Variants in BTBD9 observed in about 807,000 individuals in gnomAD.
The protein encoded by BTBD9 is BTB/POZ domain-containing protein 9.
BTBD9 carries 49 observed loss-of-function variants against 64.3 expected under a neutral mutation model. The ratio of observed to expected loss-of-function variants is 0.76; its 90% confidence interval spans 0.61 to 0.97. BTBD9 has a LOEUF of 0.97. Among genes scored for constraint, BTBD9 ranks in the 50% least tolerant of loss-of-function variants. The pLI is 0.00. For synonymous variants in BTBD9, 260 were observed against 274.7 expected (o/e 0.95, Z 0.53); for missense variants, 598 against 762.1 (o/e 0.78, Z 2.53).
At chr6:38,480,284 G>C (rs550986714) in intron 6 of BTBD9, among the ~76,000 whole-genome samples, 1 of 152,170 alleles carries the variant, frequency 6.6e-6, no homozygotes, top group African/African-American at 2.4e-5. Flanking sequence ...TTCCTTTGCA[G>C]GGCTCTTGTG....
chr6:38,295,796 C>A (rs1267376088), intron 7 of BTBD9, among the ~76,000 whole-genome samples: 1 of 152,110 alleles, frequency 6.6e-6, no homozygotes, highest in Admixed American at 6.6e-5. Flanking sequence ...CTGTAATAAT[C>A]CCAGCTCTTT....
chr6:38,334,895 A>G (rs1207631403), intron 7 of BTBD9, among the ~76,000 whole-genome samples: 2 of 152,132 alleles, frequency 1.3e-5, no homozygotes. Context: ...ATACATATTG[A>G]TATGGTTTGG....
At chr6:38,462,838 G>T (rs552006230) in intron 6 of BTBD9, among the ~76,000 whole-genome samples, 3 of 151,850 alleles carry the variant, frequency 2.0e-5, no homozygotes, top group African/African-American at 7.3e-5. Flanking sequence ...TCACTCTGTC[G>T]CCCAGGCTGG....
At chr6:38,320,504 C>G (rs1481273635) in intron 7 of BTBD9, among the ~76,000 whole-genome samples, 2 of 152,120 alleles carry the variant, frequency 1.3e-5, no homozygotes, top group African/African-American at 2.4e-5. Flanking sequence ...TCTTCCCTTC[C>G]CAGCTTCTGC....
chr6:38,421,959 G>A (rs1327121815), intron 6 of BTBD9, among the ~76,000 whole-genome samples: 1 of 152,144 alleles, frequency 6.6e-6, no homozygotes, highest in Non-Finnish European at 1.5e-5. Context: ...CTGATAACAG[G>A]TTCAGAATGA....
At chr6:38,495,386 A>AGGAG (rs1331007443) in intron 6 of BTBD9, among the ~76,000 whole-genome samples, 1 of 152,240 alleles carries the variant, frequency 6.6e-6, no homozygotes, top group African/African-American at 2.4e-5. Flanking sequence ...AGAATGCAGA[A>AGGAG]GACCTATTTT....
chr6:38,221,871 G>A (rs1315529731), intron 9 of BTBD9, among the ~76,000 whole-genome samples: 5 of 152,082 alleles, frequency 3.3e-5, no homozygotes, highest in Non-Finnish European at 5.9e-5. Context: ...CATGCCTGTA[G>A]TCCCAGCTAC....
At chr6:38,414,443 T>C (rs1412645769) in intron 6 of BTBD9, among the ~76,000 whole-genome samples, 4 of 152,206 alleles carry the variant, frequency 2.6e-5, no homozygotes, top group Non-Finnish European at 4.4e-5. Context: ...CCCTGATGAT[T>C]TGAATTCATC....
At chr6:38,427,397 G>A (rs1033089049) in intron 6 of BTBD9, among the ~76,000 whole-genome samples, 1 of 151,942 alleles carries the variant, frequency 6.6e-6, no homozygotes, top group African/African-American at 2.4e-5. Flanking sequence ...TCTCTGTGAG[G>A]TGAGCTCTAG....
intron 6 of BTBD9, among the ~76,000 whole-genome samples, chr6:38,534,132 CCTAA>C (rs949204373): frequency 1.1e-4 from 16 of 151,452 alleles, no homozygotes; most frequent in African/African-American, 3.9e-4. Flanking sequence ...AGATCTTTAA[CCTAA>C]CTAAGAAAAA....
rs1770035143 is a variant in BTBD9, at chr6:38,460,613, G to T, written c.1155-115520C>A. Among the ~76,000 whole-genome samples the T allele has an allele frequency of 1.3e-5, 2 of 151,914 alleles. 1 individual carries two copies. On this transcript the variant is annotated intron_variant, in intron 6 of 10. Transcript: ENST00000481247. ...TGTTACTAATCATTTCACAGTTAGG[G>T]TTTTTTTTGTTTTTGTTTTTGTTTT...
chr6:38,435,623 T>TCCCTCCCTCCCCCCC (rs1768687108), intron 6 of BTBD9, among the ~76,000 whole-genome samples: 1 of 54,164 alleles, frequency 1.8e-5, no homozygotes, highest in African/African-American at 7.6e-5. Flanking sequence ...TCCCTCCCCC[T>TCCCTCCCTCCCCCCC]CCCTCCCTTC....
chr6:38,353,677 G>A (rs1764611010), intron 6 of BTBD9, among the ~76,000 whole-genome samples: 1 of 152,158 alleles, frequency 6.6e-6, no homozygotes, highest in African/African-American at 2.4e-5. Flanking sequence ...GATGCTGGGG[G>A]TGGGGAAGAG....
At chr6:38,188,554 G>A (rs977501002) in intron 10 of BTBD9, among the ~76,000 whole-genome samples, 15 of 152,214 alleles carry the variant, frequency 9.9e-5, no homozygotes, top group East Asian at 1.9e-4. Context: ...CAAATCCATC[G>A]ATAGTTTTTG....
chr6:38,569,349 A>G (rs1383141840), intron 6 of BTBD9, among the ~76,000 whole-genome samples: 2 of 152,236 alleles, frequency 1.3e-5, no homozygotes, highest in Non-Finnish European at 2.9e-5. Context: ...AATAAATCCC[A>G]TAAGTAATAA....
chr6:38,522,367 T>TGGTTCCCC (rs1773309778), intron 6 of BTBD9, among the ~76,000 whole-genome samples: 1 of 58,992 alleles, frequency 1.7e-5, no homozygotes, highest in Non-Finnish European at 4.1e-5. Flanking sequence ...TTAAAGTCCC[T>TGGTTCCCC]ATACTCTACT....
chr6:38,499,385 C>T (rs967533287), intron 6 of BTBD9, among the ~76,000 whole-genome samples: 1 of 152,104 alleles, frequency 6.6e-6, no homozygotes, highest in African/African-American at 2.4e-5. Context: ...CCAGCTACTC[C>T]TAATAATAGT....
chr6:38,616,787 A>G (rs1231393655), intron 1 of BTBD9, among the ~76,000 whole-genome samples: 1 of 152,140 alleles, frequency 6.6e-6, no homozygotes, highest in African/African-American at 2.4e-5. Flanking sequence ...GTCCCCTTCC[A>G]CGCTGTGGAA....
At chr6:38,538,661 G>A (rs552964493) in intron 6 of BTBD9, among the ~76,000 whole-genome samples, 4 of 152,170 alleles carry the variant, frequency 2.6e-5, no homozygotes, top group East Asian at 3.9e-4. Context: ...CAGCCTGGGC[G>A]CAGTGGTGCA....
Sources: gnomAD v4.1 joint callset for allele counts (sites outside exome capture counted in the v4.1 genomes callset) on GRCh38, gnomAD v4.1.1 for gene constraint, MANE v1.5 for transcripts, NCBI Gene and HGNC (gene_info 2026-07-23, HGNC 2026-07-21) for gene names.